Variants in PCDHA4 observed in about 807,000 individuals in gnomAD.
The protein encoded by PCDHA4 is protocadherin alpha-4.
In PCDHA4, 49 loss-of-function variants were observed where a neutral mutation model predicts 61.4. The observed-to-expected ratio is 0.80, with a 90% CI of 0.63 to 1.01. The LOEUF is 1.01. Among genes scored for constraint, PCDHA4 ranks in the 50% least tolerant of loss-of-function variants. The pLI, the probability that PCDHA4 is intolerant of heterozygous loss-of-function variation, is 0.00. For synonymous variants in PCDHA4, 590 were observed against 550.3 expected, an observed-to-expected ratio of 1.07 and a Z score of -1.01; for missense variants, 1,254 against 1,235.8, an observed-to-expected ratio of 1.01 and a Z score of -0.22.
In PCDHA4 at chr5:140,807,199, C is replaced by T. The variant is rs1554123792; in HGVS notation, c.12C>T (p.Ser4=). Residue 4 remains serine (S), a synonymous_variant, in exon 1 of 4, where the codon TCC becomes TCT. Transcript: ENST00000530339. MEF[S]WGSGQESRRL... is the part of the protein sequence containing the mutation. ...ACTGTGCACTAAAGATGGAGTTTTC[C>T]TGGGGAAGCGGCCAGGAATCCCGGC... 6.2e-7 allele frequency: 1 copy of T among 1,613,498 alleles called. No individual in the cohort carries two copies. The highest frequency in any genetic ancestry group is 8.5e-7 in the Non-Finnish European group (1 of 1,179,680).
chr5:140,883,860 T>C, intron 1 of PCDHA4: 2 of 1,613,044 alleles, frequency 1.2e-6, no homozygotes, highest in Non-Finnish European at 1.7e-6. Flanking sequence ...CTGGAGCTGT[T>C]GCAGTTCCAG....
At chr5:140,871,134 C>G in intron 1 of PCDHA4, 9 of 1,613,414 alleles carry the variant, frequency 5.6e-6, no homozygotes, top group Non-Finnish European at 6.8e-6. Flanking sequence ...CGCCAAAGGC[C>G]TCTTCCCGGA....
chr5:140,926,570 G>A (rs2083360845), intron 1 of PCDHA4: 1 of 267,246 alleles, frequency 3.7e-6, no homozygotes, highest in African/African-American at 2.2e-5. Flanking sequence ...TGCTACTGGA[G>A]ACAGCACCTC....
intron 1 of PCDHA4, chr5:140,830,206 C>G (rs2150182712): frequency 1.2e-6 from 2 of 1,613,782 alleles, no homozygotes; most frequent in Middle Eastern, 1.7e-4. Context: ...TCGCCATCTG[C>G]GCGGTATCCA....
intron 1 of PCDHA4, chr5:140,827,923 C>A: frequency 1.0e-6 from 1 of 965,886 alleles, no homozygotes; most frequent in Non-Finnish European, 1.5e-6. Context: ...CGCTGTCTAC[C>A]ATGAAGTTAT....
At position 140,808,881 on chromosome 5, in the gene PCDHA4, T is replaced by C. The variant is rs1344157467; in HGVS notation, c.1694T>C (p.Leu565Pro). Residue 565 changes from leucine (L) to proline (P), a missense_variant, in exon 1 of 4, where the codon CTG (leucine) becomes CCG (proline). By Grantham distance (98) the Leu-to-Pro change is moderately conservative. Coordinates refer to ENST00000530339, the MANE Select transcript of PCDHA4 (RefSeq NM_018907.4). ...VLDENDNAPALLAPRAGGTGG... is the reference protein window; with the variant it reads ...VLDENDNAPAPLAPRAGGTGG... The stretch of plus-strand genomic sequence containing the variant: ...GACGAAAACGACAACGCGCCAGCAC[T>C]GCTAGCGCCTCGGGCGGGTGGCACT... The C allele has an allele frequency of 6.2e-7, 1 of 1,613,314 alleles. No homozygotes were observed. The highest frequency in any genetic ancestry group is 8.5e-7 in the Non-Finnish European group (1 of 1,179,880).
chr5:140,993,203 A>T (rs1563587510), intron 3 of PCDHA4, among the ~76,000 whole-genome samples: 2 of 152,090 alleles, frequency 1.3e-5, no homozygotes, highest in African/African-American at 4.8e-5. Context: ...ACTAAAGCTA[A>T]TTTTTTTAGC....
intron 1 of PCDHA4, among the ~76,000 whole-genome samples, chr5:140,944,014 C>A (rs1205860914): frequency 1.3e-5 from 2 of 152,022 alleles, no homozygotes; most frequent in African/African-American, 2.4e-5. Context: ...CCCCCAAAAG[C>A]AATTATCTTC....
At chr5:140,877,192 G>A in intron 1 of PCDHA4, 2 of 1,613,846 alleles carry the variant, frequency 1.2e-6, no homozygotes, top group Non-Finnish European at 1.7e-6. Flanking sequence ...TGGCAGCGCA[G>A]GAGGCGCAGT....
chr5:140,836,098 G>A, intron 1 of PCDHA4: 5 of 1,613,714 alleles, frequency 3.1e-6, no homozygotes, highest in Non-Finnish European at 4.2e-6. Context: ...CGGGTGGGTG[G>A]CACTGGTGGC....
chr5:140,823,848 C>G, intron 1 of PCDHA4: 1 of 1,613,852 alleles, frequency 6.2e-7, no homozygotes, highest in Non-Finnish European at 8.5e-7. Context: ...CCGAGGCTGC[C>G]CTGGTGGATG....
At chr5:140,809,652 C>A in intron 1 of PCDHA4, 80 bp downstream of exon 1, 1 of 1,493,130 alleles carries the variant, frequency 6.7e-7, no homozygotes, top group South Asian at 1.4e-5. Flanking sequence ...TTCTAAGAGT[C>A]AAATTTCCCT....
At chr5:140,901,199 A>T (rs1554189641) in intron 1 of PCDHA4, among the ~76,000 whole-genome samples, 4 of 152,106 alleles carry the variant, frequency 2.6e-5, no homozygotes, top group Non-Finnish European at 5.9e-5. Context: ...TTCTGTGCAG[A>T]AGGTTTTTAA....
At chr5:140,848,934 C>A in intron 1 of PCDHA4, 1 of 1,607,578 alleles carries the variant, frequency 6.2e-7, no homozygotes, top group Non-Finnish European at 8.5e-7. Context: ...GGAATCCAGG[C>A]CGCTTGACTC....
At chr5:140,813,211 G>A (rs1765248486) in intron 1 of PCDHA4, 1 of 152,142 alleles carries the variant, frequency 6.6e-6, no homozygotes, top group African/African-American at 2.4e-5. Flanking sequence ...CTGTCTGAAT[G>A]TTCTATTCCT....
chr5:140,842,552 A>T, intron 1 of PCDHA4: 1 of 1,596,224 alleles, frequency 6.3e-7, no homozygotes, highest in Non-Finnish European at 8.6e-7. Flanking sequence ...GGTGCTGGAC[A>T]GCGCCCTGGA....
Position 140,830,509 on chromosome 5 carries a change from A to G in PCDHA4, c.2385+20937A>G, listed in dbSNP as rs1039294822. ...AAGTAAGTGAATTTTCATAATTAAC[A>G]GTTAATTTTTATTTTAAATTTATAA... On this transcript the variant is annotated intron_variant, in intron 1 of 3. Coordinates refer to ENST00000530339, the MANE Select transcript of PCDHA4 (RefSeq NM_018907.4). 2.8e-6 allele frequency: 4 copies of G among 1,410,936 alleles called. 1 individual carries two copies. Among genetic ancestry groups the G allele is most frequent in the Non-Finnish European group, 1.9e-6 (2 of 1,059,252 alleles). The allele number at this position is 1,410,936 out of a possible 1,614,324, so 87.4% of individuals were successfully genotyped here. A position where few individuals can be genotyped will look rare whatever the true frequency, so the allele number is the denominator to read the frequency against.
At chr5:140,933,928 T>G (rs1055877190) in intron 1 of PCDHA4, among the ~76,000 whole-genome samples, 1 of 152,080 alleles carries the variant, frequency 6.6e-6, no homozygotes, top group Non-Finnish European at 1.5e-5. Flanking sequence ...TGTCCTGTTG[T>G]GACTTTTTTT....
intron 3 of PCDHA4, among the ~76,000 whole-genome samples, chr5:140,996,043 C>T (rs1282990779): frequency 6.6e-6 from 1 of 152,202 alleles, no homozygotes; most frequent in Non-Finnish European, 1.5e-5. Context: ...GCACTTAACA[C>T]AGTGCTTGGC....
Sources: allele counts gnomAD v4.1 joint callset (sites outside exome capture counted in the v4.1 genomes callset), GRCh38; gene constraint gnomAD v4.1.1; transcripts MANE v1.5; gene names NCBI Gene and HGNC (gene_info 2026-07-23, HGNC 2026-07-21).